Variants in PCDHA1 observed in about 807,000 individuals in gnomAD.
PCDHA1 encodes the protein protocadherin alpha-1.
Under a neutral mutation model 61.3 loss-of-function variants are expected in PCDHA1, and 42 were observed. The observed-to-expected ratio is 0.69, with a 90% confidence interval of 0.54 to 0.89. The LOEUF is 0.89. Ranked by LOEUF, PCDHA1 falls within the 40% of genes least tolerant of loss-of-function variation. PCDHA1 has a pLI of 0.00. For missense variants in PCDHA1, 1,256 were observed against 1,235.3 expected (o/e 1.02, Z -0.25); for synonymous variants, 610 against 553.8 (o/e 1.10, Z -1.43).
chr5:140,855,670 T>G (rs1581372681), intron 1 of PCDHA1, among the ~76,000 whole-genome samples: 2 of 149,924 alleles, frequency 1.3e-5, no homozygotes, highest in African/African-American at 4.9e-5. Context: ...ATCACTACTC[T>G]GAGAGTCTAC....
chr5:140,885,611 A>G (rs1422835119), intron 1 of PCDHA1, among the ~76,000 whole-genome samples: 5 of 152,216 alleles, frequency 3.3e-5, no homozygotes, highest in Non-Finnish European at 4.4e-5. Flanking sequence ...AATTTTAATT[A>G]TAAAATATGT....
chr5:140,891,568 A>G (rs1448026659), intron 1 of PCDHA1, among the ~76,000 whole-genome samples: 1 of 151,646 alleles, frequency 6.6e-6, no homozygotes, highest in Non-Finnish European at 1.5e-5. Flanking sequence ...CTCTAATTAA[A>G]CATATTTTAA....
intron 1 of PCDHA1, chr5:140,797,191 A>G (rs781977855): frequency 6.2e-7 from 1 of 1,614,120 alleles, no homozygotes; most frequent in East Asian, 2.2e-5. Context: ...GGTGTGCTCC[A>G]GCGCCGTGGG....
At position 140,883,407 on chromosome 5, in the gene PCDHA1, G is replaced by C. The variant is rs2059598150; in HGVS notation, c.2394+94723G>C. On this transcript the variant is annotated intron_variant, in intron 1 of 3. Coordinates refer to ENST00000504120, the MANE Select transcript of PCDHA1 (RefSeq NM_018900.4). The stretch of plus-strand genomic sequence containing the variant: ...ATCAGTGTGTCCGATCGTGACTCTG[G>C]CTCAAATGGACAGGTCACCTGCACC... The C allele has an allele frequency of 1.9e-6, 3 of 1,614,170 alleles. No homozygotes were observed. In the East Asian group the frequency reaches 6.7e-5, roughly 36 times the overall value.
At chr5:140,882,989 G>C (rs567590369) in intron 1 of PCDHA1, 2 of 1,614,130 alleles carry the variant, frequency 1.2e-6, no homozygotes, top group Non-Finnish European at 8.5e-7. Context: ...CAACGCCCCG[G>C]AATTTTACCA....
At chr5:140,889,332 G>T (rs1387530088) in intron 1 of PCDHA1, among the ~76,000 whole-genome samples, 1 of 151,982 alleles carries the variant, frequency 6.6e-6, no homozygotes, top group African/African-American at 2.4e-5. Flanking sequence ...TCAGGATTTT[G>T]ATTGGTGGGA....
chr5:140,841,787 G>T, intron 1 of PCDHA1: 1 of 1,613,878 alleles, frequency 6.2e-7, no homozygotes, highest in Non-Finnish European at 8.5e-7. Flanking sequence ...TCCGCTAGAG[G>T]GCGCGTCCGA....
At position 140,849,854 on chromosome 5, in the gene PCDHA1, A is replaced by T. The variant is rs1431626107; in HGVS notation, c.2394+61170A>T. 3.8e-6 allele frequency: 6 copies of T among 1,598,364 alleles called. 1 individual carries two copies. Among genetic ancestry groups the T allele is most frequent in the East Asian group, 2.2e-5 (1 of 44,850 alleles). On this transcript the variant is annotated intron_variant, in intron 1 of 3. Coordinates refer to ENST00000504120, the MANE Select transcript of PCDHA1 (RefSeq NM_018900.4). ...TGGCCGACGTGAACGACAACGCACC[A>T]GCGTTCGCGCAGTCCGAGTACACGG...
chr5:140,832,440 C>T (rs1771990436), intron 1 of PCDHA1, among the ~76,000 whole-genome samples: 1 of 152,038 alleles, frequency 6.6e-6, no homozygotes, highest in Non-Finnish European at 1.5e-5. Context: ...AATTTTTAAG[C>T]GTGTAATTAA....
intron 1 of PCDHA1, among the ~76,000 whole-genome samples, chr5:140,899,991 G>C (rs2067668603): frequency 6.6e-6 from 1 of 151,712 alleles, no homozygotes; most frequent in African/African-American, 2.4e-5. Context: ...GATTTTTTTT[G>C]TAGAGATGAG....
rs140952598 is a variant in PCDHA1, at chr5:140,787,727, G to A, written c.1437G>A (p.Ala479=). 27 of 1,613,586 alleles carry A rather than the reference G, an allele frequency of 1.7e-5. No homozygotes were observed. Among genetic ancestry groups the A allele is most frequent in the East Asian group, 1.1e-4 (5 of 44,882 alleles). ...GCTGCCACATCTTCACGGTGTCTGC[G>A]CGGGACGCGGACGCGCAGGAGAACG... ...PPGCHIFTVS[A]RDADAQENAL... is the part of the protein sequence containing the mutation. Residue 479 remains alanine, a synonymous_variant, in exon 1 of 4, where the codon GCG becomes GCA. Transcript: ENST00000504120.
At chr5:140,858,839 C>T (rs1306924023) in intron 1 of PCDHA1, 1 of 317,040 alleles carries the variant, frequency 3.2e-6, no homozygotes, top group Non-Finnish European at 5.9e-6. Context: ...CCAAAAAATT[C>T]CACTGATCTA....
At chr5:140,976,742 AC>A (rs1170747899) in intron 1 of PCDHA1, among the ~76,000 whole-genome samples, 1 of 151,778 alleles carries the variant, frequency 6.6e-6, no homozygotes, top group Admixed American at 6.6e-5. Context: ...CATTTTAAAA[AC>A]CTCCCAGATG....
At chr5:140,992,205 T>C (rs2097498733) in intron 3 of PCDHA1, among the ~76,000 whole-genome samples, 1 of 152,186 alleles carries the variant, frequency 6.6e-6, no homozygotes, top group South Asian at 2.1e-4. Flanking sequence ...TCCAATCAGA[T>C]AAACTACTCT....
At chr5:140,829,719 C>A (rs781943125) in intron 1 of PCDHA1, 1 of 1,613,542 alleles carries the variant, frequency 6.2e-7, no homozygotes, top group Non-Finnish European at 8.5e-7. Flanking sequence ...GCGGGCGTGC[C>A]GCCTCTGGGC....
intron 1 of PCDHA1, chr5:140,854,217 C>A: frequency 6.6e-6 from 4 of 607,972 alleles, no homozygotes; most frequent in Middle Eastern, 8.4e-4. Context: ...CAATATTGGA[C>A]ATCTACATTG....
intron 1 of PCDHA1, among the ~76,000 whole-genome samples, chr5:140,941,193 T>TC (rs1554213826): frequency 4.3e-5 from 5 of 116,722 alleles, no homozygotes; most frequent in African/African-American, 1.7e-4. Flanking sequence ...TTCTTTTTTT[T>TC]TCTTTCTTCC....
chr5:140,952,571 C>G (rs571628495), intron 1 of PCDHA1, among the ~76,000 whole-genome samples: 2 of 152,252 alleles, frequency 1.3e-5, no homozygotes, highest in East Asian at 3.9e-4. Flanking sequence ...ACTTCGGTCC[C>G]AATCATTCAA....
intron 1 of PCDHA1, among the ~76,000 whole-genome samples, chr5:140,947,404 T>G (rs1305199507): frequency 6.6e-6 from 1 of 151,736 alleles, no homozygotes; most frequent in Non-Finnish European, 1.5e-5. Flanking sequence ...GTAGACTGTC[T>G]TGATATTGTA....
Sources: gnomAD v4.1 joint callset for allele counts (sites outside exome capture counted in the v4.1 genomes callset) on GRCh38, gnomAD v4.1.1 for gene constraint, MANE v1.5 for transcripts, NCBI Gene and HGNC (gene_info 2026-07-23, HGNC 2026-07-21) for gene names.